CPXM2: variants seen among roughly 807,000 people sequenced by gnomAD.
The protein encoded by CPXM2 is carboxypeptidase X, M14 family member 2.
CPXM2 carries 66 observed loss-of-function variants against 86.1 expected under a neutral mutation model. The ratio of observed to expected loss-of-function variants is 0.77; its 90% CI spans 0.63 to 0.94. The LOEUF is 0.94. Ranked by LOEUF, CPXM2 falls within the 40% of genes least tolerant of loss-of-function variation. The pLI, the probability that CPXM2 is intolerant of heterozygous loss-of-function variation, is 0.00. For missense variants in CPXM2, 948 were observed against 1,026.3 expected (o/e 0.92, Z 1.04); for synonymous variants, 388 against 400.2 (o/e 0.97, Z 0.36).
intron 3 of CPXM2, among the ~76,000 whole-genome samples, chr10:123,849,281 G>A (rs538842131): frequency 5.0e-4 from 76 of 152,098 alleles, no homozygotes; most frequent in African/African-American, 1.7e-3. Context: ...TAAGTCTTAC[G>A]TAACATACTT....
chr10:123,751,636 C>T (rs898550291), intron 13 of CPXM2: 1 of 985,318 alleles, frequency 1.0e-6, no homozygotes, highest in Non-Finnish European at 1.2e-6. Flanking sequence ...TAACTCAAAG[C>T]ATTCCTACCA....
chr10:123,761,111 G>C (rs114499123), intron 11 of CPXM2, among the ~76,000 whole-genome samples: 2 of 152,290 alleles, frequency 1.3e-5, no homozygotes, highest in African/African-American at 2.4e-5. Flanking sequence ...TGTGGACCGC[G>C]GGGCCCTCTG....
At chr10:123,785,785 A>G (rs1428332035) in intron 6 of CPXM2, among the ~76,000 whole-genome samples, 1 of 152,004 alleles carries the variant, frequency 6.6e-6, no homozygotes, top group Non-Finnish European at 1.5e-5. Flanking sequence ...GGCACTCGCC[A>G]CCACGCCTGG....
intron 13 of CPXM2, chr10:123,751,507 G>A (rs1332054046): frequency 1.9e-5 from 19 of 985,252 alleles, no homozygotes; most frequent in Non-Finnish European, 2.3e-5. Context: ...GTGGGCAGAA[G>A]GGGCAACTCA....
chr10:123,877,894 C>A (rs1324977321), intron 2 of CPXM2, among the ~76,000 whole-genome samples: 1 of 152,190 alleles, frequency 6.6e-6, no homozygotes, highest in Non-Finnish European at 1.5e-5. Context: ...CTGAGATGAG[C>A]CTTTTAACCC....
chr10:123,918,843 G>A (rs184362380), intron 2 of CPXM2, among the ~76,000 whole-genome samples: 7 of 152,248 alleles, frequency 4.6e-5, no homozygotes, highest in Non-Finnish European at 1.0e-4. Flanking sequence ...AAAGAGTGAG[G>A]TGGGAAGGAC....
In CPXM2 at chr10:123,768,598, G is replaced by C; in HGVS notation, c.1227C>G (p.His409Gln). 1 of 1,614,048 alleles carries C rather than the reference G, an allele frequency of 6.2e-7. No homozygotes were observed. The highest frequency in any genetic ancestry group is 1.3e-5 in the African/African-American group (1 of 75,044). ...CGTGAATCCGCGTCTCCTCCACCAG[G>C]TGGACGATGCGCGCATTCCGGGCCA... ...EYLARNARIV[H>Q]LVEETRIHVL... The change falls in exon 9 of 14, where the codon CAC becomes CAG. Residue 409 changes from histidine (H) to glutamine (Q), a missense_variant. Physicochemically the swap from His to Gln is conservative, Grantham distance 24 (BLOSUM62 0). Coordinates refer to ENST00000241305, the MANE Select transcript of CPXM2 (RefSeq NM_198148.3).
At chr10:123,798,201 C>A (rs565518696) in intron 5 of CPXM2, 75 bp from the exon 6 acceptor site, 3 of 1,247,144 alleles carry the variant, frequency 2.4e-6, no homozygotes, top group Non-Finnish European at 2.2e-6. Flanking sequence ...AGAATTCACT[C>A]ATTCAACAAG....
At chr10:123,934,863 G>A (rs1430938877) in intron 2 of CPXM2, among the ~76,000 whole-genome samples, 4 of 152,138 alleles carry the variant, frequency 2.6e-5, no homozygotes, top group Non-Finnish European at 5.9e-5. Context: ...GTTGGATGAA[G>A]TTCGTTTCAA....
chr10:123,939,311 C>T (rs992952249), intron 2 of CPXM2, among the ~76,000 whole-genome samples: 4 of 152,118 alleles, frequency 2.6e-5, no homozygotes, highest in Non-Finnish European at 4.4e-5. Context: ...CGGCACCAAG[C>T]GGGGCCCAGC....
intron 2 of CPXM2, among the ~76,000 whole-genome samples, chr10:123,932,384 T>C (rs536678618): frequency 4.7e-4 from 72 of 152,180 alleles, no homozygotes; most frequent in Non-Finnish European, 9.4e-4. Context: ...TAACACCCCA[T>C]AGGACACTCT....
intron 12 of CPXM2, among the ~76,000 whole-genome samples, chr10:123,756,984 G>A (rs1256796356): frequency 1.3e-5 from 2 of 152,184 alleles, no homozygotes; most frequent in Non-Finnish European, 2.9e-5. Context: ...GAGAGCTCAG[G>A]AACCAGTCCC....
At chr10:123,750,240 C>T in intron 13 of CPXM2, 1 of 985,396 alleles carries the variant, frequency 1.0e-6, no homozygotes, top group Non-Finnish European at 1.2e-6. Context: ...CAGGTGGAGA[C>T]AGTGTTCCTG....
chr10:123,878,506 C>CGTGTGTGTGTGTGT lies in CPXM2; in HGVS notation c.403+1691_403+1704dup, dbSNP rs200009107. 3.9e-4 allele frequency among the ~76,000 whole-genome samples: 53 copies of CGTGTGTGTGTGTGT among 134,800 alleles called. 2 individuals are homozygous for CGTGTGTGTGTGTGT. The highest frequency in any genetic ancestry group is 3.0e-4 in the Non-Finnish European group (19 of 63,226). The allele number at this position is 134,800 out of a possible 152,430, so 88.4% of individuals were successfully genotyped here. A position where few individuals can be genotyped will look rare whatever the true frequency, so the allele number is the denominator to read the frequency against. ...TGGCAGAAAAGGAGGCAAATTCAGACGTGTGTGTGTGTGTGTGTGTGTGTG... is the reference window on the plus strand; with the variant it reads ...TGGCAGAAAAGGAGGCAAATTCAGACGTGTGTGTGTGTGTGTGTGTGTGTGTGTGTGTGTGTGTG... On this transcript the variant is annotated intron_variant, in intron 2 of 13. Transcript: ENST00000241305.
chr10:123,806,787 C>A (rs1056284926), intron 4 of CPXM2, among the ~76,000 whole-genome samples: 2 of 152,098 alleles, frequency 1.3e-5, no homozygotes, highest in African/African-American at 4.8e-5. Context: ...ATGAAACCAT[C>A]AGATTTCATG....
chr10:123,901,182 C>T (rs953380123), intron 2 of CPXM2, among the ~76,000 whole-genome samples: 4 of 152,150 alleles, frequency 2.6e-5, no homozygotes, highest in Admixed American at 2.6e-4. Flanking sequence ...TAATACTGAA[C>T]ATACATCAAA....
chr10:123,895,415 T>C (rs565108578), upstream of CPXM2, among the ~76,000 whole-genome samples: 39 of 152,322 alleles, frequency 2.6e-4, 1 homozygote, highest in South Asian at 2.5e-3. Flanking sequence ...TGAGCCACCA[T>C]GCCCGGCCAA....
intron 3 of CPXM2, among the ~76,000 whole-genome samples, chr10:123,857,453 G>A (rs61861893): frequency 0.023 from 3,492 of 152,062 alleles, 69 homozygotes; most frequent in South Asian, 0.086. Flanking sequence ...AAGGAGACAC[G>A]TTGAGTTGCT....
At chr10:123,749,028 A>T (rs187782655) in intron 13 of CPXM2, among the ~76,000 whole-genome samples, 293 of 152,328 alleles carry the variant, frequency 1.9e-3, no homozygotes, top group Non-Finnish European at 3.4e-3. Context: ...AACGCCGAAC[A>T]GGTCTGAACA....
Sources: gnomAD v4.1 joint callset for allele counts (sites outside exome capture counted in the v4.1 genomes callset) on GRCh38, gnomAD v4.1.1 for gene constraint, MANE v1.5 for transcripts, NCBI Gene and HGNC (gene_info 2026-07-23, HGNC 2026-07-21) for gene names.